The following DGKI variants were observed in gnomAD, a reference collection of about 807,000 sequenced individuals.
DGKI encodes the protein diacylglycerol kinase iota.
DGKI carries 55 observed loss-of-function variants against 147.5 expected under a neutral mutation model. The ratio of observed to expected loss-of-function variants is 0.37; its 90% CI spans 0.30 to 0.47. DGKI has a LOEUF of 0.47. Among genes scored for constraint, DGKI ranks in the 20% least tolerant of loss-of-function variants. The probability of loss-of-function intolerance (pLI) is 1.00; values close to 1 mark genes in which losing one functional copy is unlikely to be tolerated. For synonymous variants in DGKI, 469 were observed against 477.1 expected (o/e 0.98, Z 0.22); for missense variants, 1,007 against 1,323.8 (o/e 0.76, Z 3.71).
At chr7:137,521,667 A>C (rs574796584) in intron 21 of DGKI, among the ~76,000 whole-genome samples, 199 bp downstream of exon 21, 1 of 152,134 alleles carries the variant, frequency 6.6e-6, no homozygotes, top group Non-Finnish European at 1.5e-5. Flanking sequence ...GATTTTATTC[A>C]GCTGCTTTCC....
chr7:137,681,528 G>A (rs1208419319), intron 2 of DGKI, among the ~76,000 whole-genome samples: 1 of 152,168 alleles, frequency 6.6e-6, no homozygotes, highest in Non-Finnish European at 1.5e-5. Context: ...ACAGAATAAT[G>A]CCTTTTCATT....
intron 21 of DGKI, among the ~76,000 whole-genome samples, chr7:137,500,171 AC>A (rs1294824636): frequency 1.3e-5 from 2 of 152,204 alleles, no homozygotes; most frequent in Non-Finnish European, 2.9e-5. Flanking sequence ...ACTACAAATT[AC>A]CCCTTTCCAG....
intron 27 of DGKI, among the ~76,000 whole-genome samples, chr7:137,455,605 C>A (rs1375698093): frequency 6.5e-5 from 8 of 122,400 alleles, no homozygotes; most frequent in Non-Finnish European, 9.4e-5. Flanking sequence ...ATGTGTGATG[C>A]CTGGCACAAT....
At chr7:137,776,932 C>A (rs1796379352) in intron 1 of DGKI, among the ~76,000 whole-genome samples, 1 of 152,104 alleles carries the variant, frequency 6.6e-6, no homozygotes. Context: ...TGCCTATAAT[C>A]CCAGCAGTTT....
intron 1 of DGKI, among the ~76,000 whole-genome samples, chr7:137,805,017 T>C (rs1339470197): frequency 6.6e-6 from 1 of 152,218 alleles, no homozygotes; most frequent in African/African-American, 2.4e-5. Flanking sequence ...GGCTGCTTAT[T>C]ACCTACTTGT....
intron 1 of DGKI, among the ~76,000 whole-genome samples, chr7:137,778,405 T>C (rs1338049402): frequency 6.6e-6 from 1 of 152,080 alleles, no homozygotes; most frequent in Non-Finnish European, 1.5e-5. Context: ...TGAAGAGTCA[T>C]TGATGGGCTT....
At chr7:137,451,112 AAAAC>A (rs1032217880) in intron 27 of DGKI, among the ~76,000 whole-genome samples, 14 of 152,216 alleles carry the variant, frequency 9.2e-5, no homozygotes, top group African/African-American at 2.4e-4. Flanking sequence ...ACAAACTTCG[AAAAC>A]AAACAAACAA....
rs1346722704 is a variant in DGKI at position 137,578,310 on chromosome 7, T to C, written c.1658A>G (p.Lys553Arg). 8.1e-6 allele frequency: 13 copies of C among 1,613,476 alleles called. No individual in the cohort carries two copies. Among genetic ancestry groups the C allele is most frequent in the Middle Eastern group, 1.6e-4 (1 of 6,080 alleles). The change falls in exon 16 of 33, where the codon AAA (lysine) becomes AGA (arginine). Residue 553 changes from lysine to arginine, a missense_variant. This residue lies in a region of DGKI where 224 missense variants were observed against 382.7 expected (regional missense o/e 0.59). Transcript: ENST00000614521. ...TTTATTTCGAAAACGACTGTTGAAT[T>C]TCTCTGGATTTGCTTCTGTGAAAGA... ...FHESREANPEKFNSRFRNKMF... is the reference protein window; with the variant it reads ...FHESREANPERFNSRFRNKMF...
At chr7:137,478,489 A>G (rs1028123444) in intron 23 of DGKI, among the ~76,000 whole-genome samples, 1 of 152,218 alleles carries the variant, frequency 6.6e-6, no homozygotes, top group Non-Finnish European at 1.5e-5. Context: ...ATAGACAGGT[A>G]TTACTGAATT....
chr7:137,674,952 T>C (rs1053798729), intron 3 of DGKI, among the ~76,000 whole-genome samples: 2 of 152,224 alleles, frequency 1.3e-5, no homozygotes, highest in Non-Finnish European at 2.9e-5. Flanking sequence ...CTGAGCACTC[T>C]GCCTGTACTT....
At chr7:137,392,592 C>T (rs1388235430) in intron 32 of DGKI, among the ~76,000 whole-genome samples, 1 of 152,192 alleles carries the variant, frequency 6.6e-6, no homozygotes, top group Non-Finnish European at 1.5e-5. Flanking sequence ...AGGGAAGTAA[C>T]AATGGCTCTA....
At chr7:137,767,891 C>T (rs2116836024) in intron 1 of DGKI, among the ~76,000 whole-genome samples, 1 of 152,218 alleles carries the variant, frequency 6.6e-6, no homozygotes, top group African/African-American at 2.4e-5. Flanking sequence ...CCAGAAAATA[C>T]ATAATAAAGG....
chr7:137,816,897 T>C (rs1476878768), intron 1 of DGKI, among the ~76,000 whole-genome samples: 3 of 152,160 alleles, frequency 2.0e-5, no homozygotes, highest in African/African-American at 7.2e-5. Context: ...GAGAGTTCTT[T>C]GTTGTGAGGG....
At chr7:137,552,069 T>C (rs1818063350) in intron 20 of DGKI, among the ~76,000 whole-genome samples, 1 of 152,216 alleles carries the variant, frequency 6.6e-6, no homozygotes. Context: ...CGGTTTACCA[T>C]CCTAGAATCC....
chr7:137,463,478 A>G lies in DGKI; in HGVS notation c.2735+11T>C, dbSNP rs369417326. 196 of 1,613,430 alleles carry G rather than the reference A, an allele frequency of 1.2e-4. 2 individuals are homozygous for G. The Middle Eastern group carries it at 1.4e-3, about 12-fold the overall frequency. On this transcript the variant is annotated intron_variant, in intron 27 of 32. Transcript: ENST00000614521. The stretch of plus-strand genomic sequence containing the variant: ...TGGCACAGAGGAAAAGAACAGCAAG[A>G]GAACTCTTACTGTAGCACGCGGGAG...
intron 1 of DGKI, among the ~76,000 whole-genome samples, chr7:137,820,671 G>A (rs1797869904): frequency 6.6e-6 from 1 of 152,120 alleles, no homozygotes; most frequent in African/African-American, 2.4e-5. Context: ...GTCTCTGGGG[G>A]CTGTGGGTCT....
chr7:137,831,944 A>G (rs1298710808), intron 1 of DGKI, among the ~76,000 whole-genome samples: 1 of 152,386 alleles, frequency 6.6e-6, no homozygotes, highest in South Asian at 2.1e-4. Context: ...AACAGGCCCC[A>G]TGCAAGTCTG....
chr7:137,463,703 T>C (rs1306257263), intron 26 of DGKI, 92 bp from the exon 27 acceptor site: 25 of 1,461,578 alleles, frequency 1.7e-5, no homozygotes, highest in African/African-American at 2.8e-5. Flanking sequence ...TGCCAGTAAA[T>C]GTGAGAAGCA....
At chr7:137,569,228 C>T (rs943587744) in intron 19 of DGKI, among the ~76,000 whole-genome samples, 2 of 152,074 alleles carry the variant, frequency 1.3e-5, no homozygotes, top group Non-Finnish European at 2.9e-5. Context: ...GAATATTCCC[C>T]TTGGACTTCC....
Sources: allele counts gnomAD v4.1 joint callset (sites outside exome capture counted in the v4.1 genomes callset), GRCh38; gene constraint gnomAD v4.1.1; regional missense constraint gnomAD v4.1.1; transcripts MANE v1.5; gene names NCBI Gene and HGNC (gene_info 2026-07-23, HGNC 2026-07-21).